The following HMCN1 variants were observed in gnomAD, a reference collection of about 807,000 sequenced individuals.
HMCN1 encodes hemicentin-1.
A neutral mutation model predicts 625.9 loss-of-function variants in HMCN1; 321 were observed. The observed-to-expected ratio is 0.51, with a 90% CI of 0.47 to 0.56. The LOEUF (loss-of-function observed/expected upper bound fraction) is 0.56. Ranked by LOEUF, HMCN1 falls within the 20% of genes least tolerant of loss-of-function variation. The pLI is 0.00. For synonymous variants in HMCN1, 2,425 were observed against 2,417.6 expected, an observed-to-expected ratio of 1.00 and a Z score of -0.09; for missense variants, 6,588 against 6,887.3, an observed-to-expected ratio of 0.96 and a Z score of 1.54.
chr1:185,930,943 C>CACACACAG (rs993531220), intron 10 of HMCN1, among the ~76,000 whole-genome samples: 18 of 150,592 alleles, frequency 1.2e-4, no homozygotes, highest in African/African-American at 4.4e-4. Flanking sequence ...CACACACACA[C>CACACACAG]AGAGTACTAA....
chr1:185,919,586 G>T (rs1260224489), intron 6 of HMCN1, among the ~76,000 whole-genome samples: 1 of 152,136 alleles, frequency 6.6e-6, no homozygotes, highest in African/African-American at 2.4e-5. Context: ...GATAGTCCCA[G>T]AAGTTCCATA....
In HMCN1 at chr1:186,130,030, A is replaced by C; in HGVS notation, c.12969A>C (p.Ser4323=). The C allele has an allele frequency of 6.2e-7, 1 of 1,613,310 alleles. No individual in the cohort carries two copies. The highest frequency in any genetic ancestry group is 8.5e-7 in the Non-Finnish European group (1 of 1,179,454). ...TTGAAAGAGTGTCAAAAGAGGATTCAGGTACTTATGTGTGCACCGCAGAGA... is the reference window on the plus strand; with the variant it reads ...TTGAAAGAGTGTCAAAAGAGGATTCCGGTACTTATGTGTGCACCGCAGAGA... The part of the protein sequence containing the change: ...LVIERVSKED[S]GTYVCTAENS... The change falls in exon 84 of 107, where the codon TCA becomes TCC. Residue 4323 remains serine (S), a synonymous_variant. Transcript: ENST00000271588.
Position 186,165,190 on chromosome 1 carries a change from A to G in HMCN1, c.15319+17A>G, listed in dbSNP as rs1334016095. 6.2e-7 allele frequency: 1 copy of G among 1,607,362 alleles called. No individual in the cohort carries two copies. Among genetic ancestry groups the G allele is most frequent in the Non-Finnish European group, 8.5e-7 (1 of 1,173,908 alleles). On this transcript the variant is annotated intron_variant, in intron 98 of 106. Transcript: ENST00000271588. ...TTTGTGCTGGTAAGTACAGAGATAA[A>G]TAAAGGGTTTTCTTTTAATGAAAAT...
rs886045676 is a variant in HMCN1, at chr1:186,087,974, G to A, written c.9406G>A (p.Ala3136Thr). 36 of 1,613,062 alleles carry A rather than the reference G, an allele frequency of 2.2e-5. No homozygotes were observed. Among genetic ancestry groups the A allele is most frequent in the Non-Finnish European group, 2.9e-5 (34 of 1,179,444 alleles). The change falls in exon 61 of 107, where the codon GCA becomes ACA. Residue 3136 changes from alanine to threonine, a missense_variant. Physicochemically the swap from Ala to Thr is moderately conservative, Grantham distance 58. Transcript: ENST00000271588. Reference protein sequence around the residue: ...GQYVCRAINVAGRDDKNFHLN... With the variant: ...GQYVCRAINVTGRDDKNFHLN... ...GTATGTATGTAGAGCTATAAATGTA[G>A]CAGGACGGGATGATAAAAATTTCCA...
intron 5 of HMCN1, among the ~76,000 whole-genome samples, chr1:185,911,151 T>C (rs1278389076): frequency 1.3e-5 from 2 of 152,166 alleles, no homozygotes; most frequent in African/African-American, 2.4e-5. Flanking sequence ...AGGGCTCTCA[T>C]GTTAGTAATA....
intron 24 of HMCN1, among the ~76,000 whole-genome samples, chr1:185,996,323 A>G (rs957376352): frequency 6.6e-6 from 1 of 152,114 alleles, no homozygotes; most frequent in African/African-American, 2.4e-5. Context: ...ATAGAATATG[A>G]AGAGAAGAGC....
chr1:185,964,720 A>G (rs1177823878), intron 13 of HMCN1, among the ~76,000 whole-genome samples: 1 of 152,116 alleles, frequency 6.6e-6, no homozygotes, highest in African/African-American at 2.4e-5. Flanking sequence ...AGAGGGGAAG[A>G]CTAATTCAGA....
At chr1:185,737,967 G>A (rs892425566) in intron 1 of HMCN1, among the ~76,000 whole-genome samples, 2 of 152,174 alleles carry the variant, frequency 1.3e-5, no homozygotes, top group African/African-American at 4.8e-5. Context: ...CAGAATATGT[G>A]CATGTAAGAA....
intron 6 of HMCN1, among the ~76,000 whole-genome samples, chr1:185,917,598 T>C (rs1053928192): frequency 4.6e-5 from 7 of 152,168 alleles, no homozygotes; most frequent in Admixed American, 3.9e-4. Flanking sequence ...AGAAAAAACA[T>C]CAACACTAGG....
At chr1:185,787,730 A>G (rs1657724705) in intron 1 of HMCN1, among the ~76,000 whole-genome samples, 1 of 152,202 alleles carries the variant, frequency 6.6e-6, no homozygotes, top group Non-Finnish European at 1.5e-5. Flanking sequence ...GAAATGAGAG[A>G]AGGAAGCAAA....
At chr1:186,099,216 C>T (rs998671160) in intron 68 of HMCN1, among the ~76,000 whole-genome samples, 1 of 151,876 alleles carries the variant, frequency 6.6e-6, no homozygotes, top group Non-Finnish European at 1.5e-5. Context: ...TGCTAATTAC[C>T]CTGATTTGAT....
At chr1:186,012,517 A>C (rs952220382) in intron 30 of HMCN1, among the ~76,000 whole-genome samples, 2 of 151,884 alleles carry the variant, frequency 1.3e-5, no homozygotes, top group Non-Finnish European at 2.9e-5. Flanking sequence ...AGTTGTCTTA[A>C]AAAAAAATTT....
rs549203511 is a variant in HMCN1 at position 185,748,981 on chromosome 1, T to C, written c.268+13934T>C. Among the ~76,000 whole-genome samples, 121 of 152,330 alleles carry C rather than the reference T, an allele frequency of 7.9e-4. 1 individual carries two copies. The highest frequency in any genetic ancestry group is 2.8e-3 in the African/African-American group (115 of 41,568). On this transcript the variant is annotated intron_variant, in intron 1 of 106. Coordinates refer to ENST00000271588, the MANE Select transcript of HMCN1 (RefSeq NM_031935.3). ...CATAAAATAAGGATAAAACCAGTTTTGTGTACTGATAAATGTTAAATCTCT... is the reference window on the plus strand; with the variant it reads ...CATAAAATAAGGATAAAACCAGTTTCGTGTACTGATAAATGTTAAATCTCT...
In HMCN1 at chr1:186,048,859, G is replaced by A. The variant is rs774491228; in HGVS notation, c.6577+20G>A. 2.1e-6 allele frequency: 3 copies of A among 1,434,266 alleles called. No individual in the cohort carries two copies. The East Asian group carries it at 6.8e-5, about 33-fold the overall frequency. The allele number at this position is 1,434,266 out of a possible 1,614,324, so 88.8% of individuals were successfully genotyped here. A position where few individuals can be genotyped will look rare whatever the true frequency, so the allele number is the denominator to read the frequency against. On this transcript the variant is annotated intron_variant, in intron 42 of 106. Coordinates refer to ENST00000271588, the MANE Select transcript of HMCN1 (RefSeq NM_031935.3). ...TTTGGGGTAAGTGTAATCAGCTCTT[G>A]AAAGCAAATAATGCAGCTGTGGTTT... is the stretch of plus-strand genomic sequence containing the variant.
chr1:186,136,961 C>G (rs757678228), intron 87 of HMCN1, 24 bp downstream of exon 87: 1 of 1,610,528 alleles, frequency 6.2e-7, no homozygotes, highest in East Asian at 2.2e-5. Flanking sequence ...GAGGAATATT[C>G]ATAGTAAACA....
At chr1:186,169,347 A>G (rs983519871) in intron 100 of HMCN1, among the ~76,000 whole-genome samples, 1 of 152,206 alleles carries the variant, frequency 6.6e-6, no homozygotes, top group Non-Finnish European at 1.5e-5. Context: ...ACTACTTTAA[A>G]TTTTATGTGG....
At chr1:185,883,939 G>A (rs1335606476) in intron 4 of HMCN1, among the ~76,000 whole-genome samples, 1 of 122,864 alleles carries the variant, frequency 8.1e-6, no homozygotes, top group Non-Finnish European at 1.6e-5. Flanking sequence ...TTGGATTGTA[G>A]ACTAGATATT....
rs527674486 is a variant in HMCN1, at chr1:185,957,300, A to C, written c.1829-5218A>C. ...TAATTCACCCCAATTTAGAAACAAA[A>C]TGTGAGTGAGTTTTGCAAAATTTTA... On this transcript the variant is annotated intron_variant, in intron 11 of 106. Transcript: ENST00000271588. 5.9e-5 allele frequency among the ~76,000 whole-genome samples: 9 copies of C among 152,342 alleles called. No homozygotes were observed. The South Asian group carries it at 1.9e-3, about 32-fold the overall frequency.
At chr1:186,071,927 A>G (rs1184836344) in intron 52 of HMCN1, among the ~76,000 whole-genome samples, 2 of 152,286 alleles carry the variant, frequency 1.3e-5, no homozygotes, top group East Asian at 1.9e-4. Context: ...ATATGCTCAC[A>G]TGTACATGAA....
Sources: allele counts gnomAD v4.1 joint callset (sites outside exome capture counted in the v4.1 genomes callset), GRCh38; gene constraint gnomAD v4.1.1; transcripts MANE v1.5; gene names NCBI Gene and HGNC (gene_info 2026-07-23, HGNC 2026-07-21).